TPD52L1: variants seen among roughly 807,000 people sequenced by gnomAD.
TPD52L1 encodes tumor protein D53.
A neutral mutation model predicts 28.7 loss-of-function variants in TPD52L1; 18 were observed. That is an observed-to-expected ratio of 0.63 (90% CI 0.43 to 0.93). The LOEUF (loss-of-function observed/expected upper bound fraction) is 0.93. Among genes scored for constraint, TPD52L1 ranks in the 40% least tolerant of loss-of-function variants. TPD52L1 has a pLI of 0.00. For synonymous variants in TPD52L1, 75 were observed against 88.8 expected, an observed-to-expected ratio of 0.84 and a Z score of 0.88; for missense variants, 203 against 254.8, an observed-to-expected ratio of 0.80 and a Z score of 1.39.
At chr6:125,259,180 T>A (rs1797771337) in intron 6 of TPD52L1, among the ~76,000 whole-genome samples, 1 of 152,240 alleles carries the variant, frequency 6.6e-6, no homozygotes. Context: ...TGAGTGGAAT[T>A]TCTTGCAGGT....
At chr6:125,200,706 G>A (rs912896007) in intron 1 of TPD52L1, among the ~76,000 whole-genome samples, 10 of 152,172 alleles carry the variant, frequency 6.6e-5, no homozygotes, top group South Asian at 2.1e-4. Context: ...TGGTGCAGAT[G>A]CAAATATGAT....
intron 5 of TPD52L1, among the ~76,000 whole-genome samples, chr6:125,254,840 G>A (rs1410324073): frequency 2.0e-5 from 3 of 152,104 alleles, no homozygotes; most frequent in African/African-American, 7.2e-5. Context: ...GCTTCTCCCT[G>A]TTCTCCAGCA....
intron 1 of TPD52L1, among the ~76,000 whole-genome samples, chr6:125,155,207 C>A (rs1373478780): frequency 6.6e-6 from 1 of 152,202 alleles, no homozygotes; most frequent in Non-Finnish European, 1.5e-5. Context: ...AATTCAAAAG[C>A]AGAGGTCAGG....
At chr6:125,241,259 T>C (rs1796595509) in intron 3 of TPD52L1, among the ~76,000 whole-genome samples, 1 of 152,068 alleles carries the variant, frequency 6.6e-6, no homozygotes, top group Non-Finnish European at 1.5e-5. Flanking sequence ...TGTGTCTATG[T>C]TCATCAGGGA....
rs542018757 is a variant in TPD52L1 at position 125,172,141 on chromosome 6, TTTCTTTCTTTCTTTCTTTTC to T, written c.19+18174_19+18193del. The stretch of plus-strand genomic sequence containing the variant: ...CTTTCTTTCTTTCTTTCTTTCTTTC[TTTCTTTCTTTCTTTCTTTTC>T]TTTCTTTCTTTCTTTCTTTCTTTCT... On this transcript the variant is annotated intron_variant, in intron 1 of 6. Transcript: ENST00000534000. Among the ~76,000 whole-genome samples the T allele has an allele frequency of 5.5e-3, 429 of 78,038 alleles. 1 individual carries two copies. The highest frequency in any genetic ancestry group is 0.01 in the African/African-American group (148 of 14,714). The allele number at this position is 78,038 out of a possible 152,430, so 51.2% of individuals were successfully genotyped here.
intron 1 of TPD52L1, among the ~76,000 whole-genome samples, chr6:125,186,173 C>T (rs1231104570): frequency 6.6e-6 from 1 of 152,114 alleles, no homozygotes; most frequent in Non-Finnish European, 1.5e-5. Flanking sequence ...CATGAGCCAC[C>T]GTGGCTGGCC....
At chr6:125,176,769 C>G (rs1791846906) in intron 1 of TPD52L1, among the ~76,000 whole-genome samples, 2 of 152,156 alleles carry the variant, frequency 1.3e-5, no homozygotes, top group Non-Finnish European at 2.9e-5. Context: ...GATGTGGTGA[C>G]TCACACCTGT....
chr6:125,252,176 A>C, intron 4 of TPD52L1: 1 of 930,644 alleles, frequency 1.1e-6, no homozygotes. Flanking sequence ...CGTGACCAGG[A>C]AGATAGTTTA....
At chr6:125,215,895 G>A (rs894659586) in intron 1 of TPD52L1, among the ~76,000 whole-genome samples, 2 of 152,130 alleles carry the variant, frequency 1.3e-5, no homozygotes, top group African/African-American at 2.4e-5. Flanking sequence ...GTCTTCTCAC[G>A]TTATGAAGAT....
intron 1 of TPD52L1, among the ~76,000 whole-genome samples, chr6:125,178,620 AAAAAC>A (rs567869890): frequency 0.015 from 2,223 of 150,704 alleles, 39 homozygotes; most frequent in African/African-American, 0.038. Flanking sequence ...GACTCCATCT[AAAAAC>A]AAAACAAAAC....
At chr6:125,258,106 C>G (rs1797710279) in intron 6 of TPD52L1, among the ~76,000 whole-genome samples, 1 of 152,140 alleles carries the variant, frequency 6.6e-6, no homozygotes, top group Non-Finnish European at 1.5e-5. Context: ...GTAAGTTATT[C>G]CTTACTCGCG....
At chr6:125,232,061 A>T (rs920665726) in intron 3 of TPD52L1, among the ~76,000 whole-genome samples, 6 of 152,180 alleles carry the variant, frequency 3.9e-5, no homozygotes, top group African/African-American at 1.2e-4. Flanking sequence ...AGATAAACAG[A>T]TTTATAGGCT....
chr6:125,172,141 TTTCTTTCTTTCTTTCTTTTCTTTCTTTC>T (rs1791396640), intron 1 of TPD52L1, among the ~76,000 whole-genome samples: 89 of 78,186 alleles, frequency 1.1e-3, no homozygotes, highest in South Asian at 1.8e-3. Flanking sequence ...TCTTTCTTTC[TTTCTTTCTTTCTTTCTTTTCTTTCTTTC>T]TTTCTTTCTT....
intron 5 of TPD52L1, 125 bp from the exon 6 acceptor site, chr6:125,256,973 G>A (rs760969749): frequency 1.8e-5 from 13 of 720,716 alleles, no homozygotes; most frequent in Non-Finnish European, 2.7e-5. Context: ...GTTGGTGCAG[G>A]TGGCAAGCTG....
chr6:125,205,656 A>G (rs1794078079), intron 1 of TPD52L1, among the ~76,000 whole-genome samples: 1 of 152,200 alleles, frequency 6.6e-6, no homozygotes, highest in East Asian at 1.9e-4. Flanking sequence ...TCCACCCTTT[A>G]GGACCATGTG....
Position 125,257,144 on chromosome 6 carries a change from G to A in TPD52L1, c.472G>A (p.Val158Ile), listed in dbSNP as rs1376064529. Residue 158 changes from valine (V) to isoleucine (I), a missense_variant, in exon 6 of 7, where the codon GTC becomes ATC. By Grantham distance (29) the Val-to-Ile change is conservative. Transcript: ENST00000534000. ...ATTTGAGGAGAGGGTTGAGACAACTGTCACAAGCCTCAAGGTACAGATGAA... is the reference window on the plus strand; with the variant it reads ...ATTTGAGGAGAGGGTTGAGACAACTATCACAAGCCTCAAGGTACAGATGAA... ...KSFEERVETT[V>I]TSLKTKVGGT... 1 of 1,611,824 alleles carries A rather than the reference G, an allele frequency of 6.2e-7. No individual in the cohort carries two copies. The highest frequency in any genetic ancestry group is 1.3e-5 in the African/African-American group (1 of 74,904).
chr6:125,162,023 T>A (rs1790552209), intron 1 of TPD52L1, among the ~76,000 whole-genome samples: 1 of 152,242 alleles, frequency 6.6e-6, no homozygotes, highest in Non-Finnish European at 1.5e-5. Flanking sequence ...TTGCATTTTA[T>A]GTTTCATATT....
intron 1 of TPD52L1, among the ~76,000 whole-genome samples, chr6:125,218,565 A>G (rs1442823991): frequency 1.3e-5 from 2 of 152,116 alleles, no homozygotes; most frequent in Non-Finnish European, 2.9e-5. Flanking sequence ...TTCATTTTCC[A>G]TATAGCGTCT....
At chr6:125,226,105 C>G (rs1482362606) in intron 2 of TPD52L1, among the ~76,000 whole-genome samples, 1 of 152,156 alleles carries the variant, frequency 6.6e-6, no homozygotes, top group African/African-American at 2.4e-5. Flanking sequence ...TAAAGATTGT[C>G]TGTCTTTCCA....
Sources: allele counts gnomAD v4.1 joint callset (sites outside exome capture counted in the v4.1 genomes callset), GRCh38; gene constraint gnomAD v4.1.1; transcripts MANE v1.5; gene names NCBI Gene and HGNC (gene_info 2026-07-23, HGNC 2026-07-21).